Variants in TJP1 observed in about 807,000 individuals in gnomAD.
The protein encoded by TJP1 is tight junction protein ZO-1.
In TJP1, 43 loss-of-function variants were observed where a neutral mutation model predicts 194.2. The observed-to-expected ratio is 0.22, with a 90% CI of 0.17 to 0.29. The LOEUF (loss-of-function observed/expected upper bound fraction) is 0.29. Ranked by LOEUF, TJP1 falls within the 10% of genes least tolerant of loss-of-function variation. The pLI, the probability that TJP1 is intolerant of heterozygous loss-of-function variation, is 1.00. For synonymous variants in TJP1, 801 were observed against 779.0 expected (o/e 1.03, Z -0.47); for missense variants, 1,971 against 2,185.7 (o/e 0.90, Z 1.96).
At position 29,800,580 on chromosome 15, in the gene TJP1, C is replaced by A. The variant is rs1026916742; in HGVS notation, c.84+66G>T. 3 of 1,531,136 alleles carry A rather than the reference C, an allele frequency of 2.0e-6. No individual in the cohort carries two copies. In the Admixed American group the frequency reaches 5.3e-5, roughly 27 times the overall value. 94.8% of individuals were successfully genotyped at this position (1,531,136 alleles called of 1,614,324 possible). A position where few individuals can be genotyped will look rare whatever the true frequency, so the allele number is the denominator to read the frequency against. On this transcript the variant is annotated intron_variant, in intron 2 of 27. Transcript: ENST00000614355. ...TGGCTTCCTGACATCTGGCTTTCCT[C>A]TATTGTTTTCAAAGCTGCCAGTATC...
intron 2 of TJP1, among the ~76,000 whole-genome samples, chr15:29,912,086 C>T (rs758839835): frequency 1.1e-4 from 16 of 152,140 alleles, no homozygotes; most frequent in Non-Finnish European, 2.1e-4. Context: ...AGATCTAATG[C>T]CTGGAGAGGC....
At chr15:29,928,298 T>A (rs2054588559) in intron 2 of TJP1, among the ~76,000 whole-genome samples, 1 of 152,214 alleles carries the variant, frequency 6.6e-6, no homozygotes, top group Admixed American at 6.5e-5. Context: ...TCATTAGTAG[T>A]TAGGGAGATG....
rs1267784886 is a variant in TJP1, at chr15:29,716,698, G to T, written c.4115C>A (p.Pro1372His). The T allele has an allele frequency of 6.2e-7, 1 of 1,613,980 alleles. No individual in the cohort carries two copies. Among genetic ancestry groups the T allele is most frequent in the African/African-American group, 1.3e-5 (1 of 74,888 alleles). ...FDRRSFENKP[P>H]AHIAASHLSE... ...GAGATGGCTGGCGGCAATGTGTGCA[G>T]GAGGCTTATTCTCAAAACTTCTTCG... The change falls in exon 23 of 28, where the codon CCT becomes CAT. Residue 1372 changes from proline (P) to histidine (H), a missense_variant. Coordinates refer to ENST00000614355, the MANE Select transcript of TJP1 (RefSeq NM_001330239.4).
At chr15:29,908,048 CAAAAAAAAAAAAAAAAAAAAAA>C (rs1156724424) in intron 2 of TJP1, among the ~76,000 whole-genome samples, 56 of 19,528 alleles carry the variant, frequency 2.9e-3, no homozygotes, top group African/African-American at 7.6e-3. Flanking sequence ...CCTTATAAAG[CAAAAAAAAAAAAAAAAAAAAAA>C]AAAAAAAAAA....
chr15:29,880,179 C>T (rs76807547), intron 2 of TJP1, among the ~76,000 whole-genome samples: 1,836 of 151,998 alleles, frequency 0.012, 71 homozygotes, highest in East Asian at 0.1. Flanking sequence ...TATGTACATT[C>T]GAGGGTTTTC....
chr15:29,791,097 G>C (rs552946355), intron 2 of TJP1, among the ~76,000 whole-genome samples: 1 of 151,066 alleles, frequency 6.6e-6, no homozygotes, highest in Non-Finnish European at 1.5e-5. Flanking sequence ...CGCGATTTCG[G>C]CTCACTGCAA....
intron 2 of TJP1, among the ~76,000 whole-genome samples, chr15:29,781,990 G>T (rs1457022167): frequency 6.6e-6 from 1 of 152,150 alleles, no homozygotes; most frequent in Admixed American, 6.5e-5. Flanking sequence ...GTAAGAGAAA[G>T]AAATAAAGGG....
chr15:29,775,125 C>T (rs1048768060), intron 2 of TJP1, among the ~76,000 whole-genome samples: 1 of 152,168 alleles, frequency 6.6e-6, no homozygotes, highest in African/African-American at 2.4e-5. Flanking sequence ...CATAGGGGCT[C>T]CCCACCCATT....
intron 8 of TJP1, chr15:29,759,943 C>G: frequency 2.4e-6 from 1 of 424,972 alleles, no homozygotes. Context: ...GATATCTCTT[C>G]GAGACAGTGA....
At chr15:29,881,589 T>A (rs1476820004) in intron 2 of TJP1, among the ~76,000 whole-genome samples, 1 of 152,206 alleles carries the variant, frequency 6.6e-6, no homozygotes, top group Non-Finnish European at 1.5e-5. Context: ...TAGGATAATA[T>A]TAACTGAATG....
At chr15:29,888,376 C>A (rs1049873114) in intron 2 of TJP1, among the ~76,000 whole-genome samples, 2 of 152,156 alleles carry the variant, frequency 1.3e-5, no homozygotes, top group East Asian at 1.9e-4. Flanking sequence ...CACGCACACA[C>A]AAATCACCTG....
At chr15:29,713,571 T>A (rs905134312) in intron 23 of TJP1, among the ~76,000 whole-genome samples, 5 of 152,260 alleles carry the variant, frequency 3.3e-5, no homozygotes, top group Non-Finnish European at 7.3e-5. Context: ...AAGAAAGAAA[T>A]GCCTGAAGGC....
At chr15:29,950,908 G>A (rs1219115857) in intron 2 of TJP1, among the ~76,000 whole-genome samples, 1 of 152,170 alleles carries the variant, frequency 6.6e-6, no homozygotes, top group Non-Finnish European at 1.5e-5. Context: ...GTAAAATGAG[G>A]CTGATGGTAA....
At chr15:29,884,672 C>A (rs988870844) in intron 2 of TJP1, among the ~76,000 whole-genome samples, 8 of 152,174 alleles carry the variant, frequency 5.3e-5, no homozygotes, top group Admixed American at 1.3e-4. Flanking sequence ...TTCTTTTATT[C>A]CACAAACCTT....
At chr15:29,720,264 G>A in intron 19 of TJP1, 94 bp downstream of exon 19, 1 of 1,203,752 alleles carries the variant, frequency 8.3e-7, no homozygotes. Context: ...TTAATCTGGA[G>A]AAAGGACAAC....
intron 8 of TJP1, among the ~76,000 whole-genome samples, chr15:29,748,786 C>T (rs777417219): frequency 2.6e-5 from 4 of 151,744 alleles, no homozygotes; most frequent in Non-Finnish European, 4.4e-5. Flanking sequence ...GTTGCCCAGG[C>T]GAGTCTCGAA....
intron 2 of TJP1, among the ~76,000 whole-genome samples, chr15:29,855,261 T>C (rs1019834226): frequency 6.6e-6 from 1 of 152,180 alleles, no homozygotes; most frequent in Non-Finnish European, 1.5e-5. Flanking sequence ...GGGTAGAAGA[T>C]TGAGTAACTG....
At chr15:29,787,757 C>T (rs974219269) in intron 2 of TJP1, among the ~76,000 whole-genome samples, 1 of 152,084 alleles carries the variant, frequency 6.6e-6, no homozygotes, top group African/African-American at 2.4e-5. Flanking sequence ...GCTAATATAG[C>T]CAGATCTATT....
intron 2 of TJP1, among the ~76,000 whole-genome samples, chr15:29,894,392 G>A (rs2053411610): frequency 6.6e-6 from 1 of 152,224 alleles, no homozygotes; most frequent in South Asian, 2.1e-4. Context: ...CCTAGAGGCG[G>A]AAGTTGCAGT....
Sources: allele counts gnomAD v4.1 joint callset (sites outside exome capture counted in the v4.1 genomes callset), GRCh38; gene constraint gnomAD v4.1.1; transcripts MANE v1.5; gene names NCBI Gene and HGNC (gene_info 2026-07-23, HGNC 2026-07-21).